The following MDGA2 variants were observed in gnomAD, a reference collection of about 807,000 sequenced individuals.
The protein encoded by MDGA2 is MAM domain-containing glycosylphosphatidylinositol anchor protein 2.
A neutral mutation model predicts 117.8 loss-of-function variants in MDGA2; 40 were observed. The ratio of observed to expected loss-of-function variants is 0.34; its 90% CI spans 0.26 to 0.44. The LOEUF (loss-of-function observed/expected upper bound fraction) is 0.44. MDGA2 is among the 20% of genes least tolerant of loss of function. The probability of loss-of-function intolerance (pLI) is 1.00; values close to 1 mark genes in which losing one functional copy is unlikely to be tolerated. For missense variants in MDGA2, 1,123 were observed against 1,250.6 expected (o/e 0.90, Z 1.54); for synonymous variants, 452 against 439.0 (o/e 1.03, Z -0.37).
rs138794028 is a variant in MDGA2 at position 47,440,151 on chromosome 14, C to G, written c.281-138601G>C. Among the ~76,000 whole-genome samples the G allele has an allele frequency of 2.4e-3, 365 of 152,108 alleles. 1 individual carries two copies. The highest frequency in any genetic ancestry group is 8.2e-3 in the African/African-American group (341 of 41,512). On this transcript the variant is annotated intron_variant, in intron 1 of 16. Coordinates refer to ENST00000399232, the MANE Select transcript of MDGA2 (RefSeq NM_001113498.3). The stretch of plus-strand genomic sequence containing the variant: ...ATCACATGTGTCGGCTCCAGTGTCT[C>G]ACTCCCAACAGCATACCCCTGAGGA...
chr14:47,281,004 G>T lies in MDGA2; in HGVS notation c.420+20407C>A, dbSNP rs547894795. ...AATATATAATTAATATATTATATAT[G>T]GTATATAATATATAATAAAATATAT... On this transcript the variant is annotated intron_variant, in intron 2 of 16. Transcript: ENST00000399232. Among the ~76,000 whole-genome samples the T allele has an allele frequency of 2.2e-3, 316 of 144,336 alleles. 1 individual carries two copies. The highest frequency in any genetic ancestry group is 3.7e-3 in the Non-Finnish European group (248 of 66,136). The allele number at this position is 144,336 out of a possible 152,430, so 94.7% of individuals were successfully genotyped here. A position where few individuals can be genotyped will look rare whatever the true frequency, so the allele number is the denominator to read the frequency against.
chr14:47,460,346 A>G (rs1893456463), intron 1 of MDGA2, among the ~76,000 whole-genome samples: 1 of 152,174 alleles, frequency 6.6e-6, no homozygotes, highest in Non-Finnish European at 1.5e-5. Context: ...ATTTCAAAAT[A>G]GTCTGAGGAT....
chr14:47,301,324 T>G, intron 2 of MDGA2, 87 bp downstream of exon 2: 1 of 1,420,458 alleles, frequency 7.0e-7, no homozygotes, highest in Non-Finnish European at 9.6e-7. Flanking sequence ...CACACACAGT[T>G]TTAGCTAAAT....
At chr14:47,051,689 T>C (rs1400972149) in intron 7 of MDGA2, among the ~76,000 whole-genome samples, 1 of 151,914 alleles carries the variant, frequency 6.6e-6, no homozygotes, top group Non-Finnish European at 1.5e-5. Flanking sequence ...ATTAAATCAC[T>C]TTAATAACTG....
chr14:47,546,736 G>A (rs560747822), intron 1 of MDGA2, among the ~76,000 whole-genome samples: 1 of 152,102 alleles, frequency 6.6e-6, no homozygotes, highest in Non-Finnish European at 1.5e-5. Flanking sequence ...CCAGAAACAG[G>A]GGCTGAGTGT....
At chr14:47,621,297 C>T (rs1440331619) in intron 1 of MDGA2, among the ~76,000 whole-genome samples, 4 of 152,072 alleles carry the variant, frequency 2.6e-5, no homozygotes, top group African/African-American at 9.7e-5. Flanking sequence ...TTTCTTAATA[C>T]TCAAACATGC....
chr14:47,393,455 C>T (rs1043581122), intron 1 of MDGA2, among the ~76,000 whole-genome samples: 4 of 151,220 alleles, frequency 2.6e-5, no homozygotes, highest in Admixed American at 2.6e-4. Context: ...ATATATTTGC[C>T]ATGTTAAAAT....
chr14:47,045,798 C>CT (rs1357284874), intron 7 of MDGA2, among the ~76,000 whole-genome samples: 1 of 152,016 alleles, frequency 6.6e-6, no homozygotes, highest in Admixed American at 6.6e-5. Context: ...AACCTTGTCT[C>CT]TACTAAAAAT....
chr14:47,236,236 A>G (rs1201744552), intron 2 of MDGA2, among the ~76,000 whole-genome samples: 1 of 139,156 alleles, frequency 7.2e-6, no homozygotes, highest in African/African-American at 2.7e-5. Flanking sequence ...GCTTGCAGTG[A>G]GCCGAGATTG....
At chr14:47,563,338 T>C (rs369719625) in intron 1 of MDGA2, among the ~76,000 whole-genome samples, 1 of 152,290 alleles carries the variant, frequency 6.6e-6, no homozygotes, top group African/African-American at 2.4e-5. Flanking sequence ...ATGGGCATGC[T>C]GCAGTCTCCC....
chr14:47,299,910 T>A (rs963932595), intron 2 of MDGA2, among the ~76,000 whole-genome samples: 2 of 152,220 alleles, frequency 1.3e-5, no homozygotes, highest in Non-Finnish European at 2.9e-5. Context: ...GAGTTTTCCT[T>A]TTTCAACATT....
At chr14:46,851,361 T>C (rs1379659357) in intron 15 of MDGA2, among the ~76,000 whole-genome samples, 5 of 151,886 alleles carry the variant, frequency 3.3e-5, no homozygotes, top group South Asian at 2.1e-4. Flanking sequence ...TATAAGAATA[T>C]ATCCATTTTG....
At chr14:47,073,545 TC>T (rs1391213015) in intron 6 of MDGA2, among the ~76,000 whole-genome samples, 2 of 152,234 alleles carry the variant, frequency 1.3e-5, no homozygotes, top group Non-Finnish European at 2.9e-5. Context: ...CTATCACTAT[TC>T]TTTCTGCCAA....
intron 15 of MDGA2, among the ~76,000 whole-genome samples, chr14:46,846,136 T>G (rs1555328506): frequency 6.6e-6 from 1 of 151,780 alleles, no homozygotes; most frequent in Non-Finnish European, 1.5e-5. Flanking sequence ...ATAATACAAT[T>G]AAAAAAAATG....
intron 3 of MDGA2, 45 bp from the exon 4 acceptor site, chr14:47,144,319 T>A (rs1882846978): frequency 1.4e-6 from 2 of 1,463,544 alleles, no homozygotes; most frequent in Non-Finnish European, 1.9e-6. Context: ...ATGAGATAGA[T>A]GACTTTTAAA....
chr14:47,384,994 G>C (rs1196933110), intron 1 of MDGA2, among the ~76,000 whole-genome samples: 4 of 152,166 alleles, frequency 2.6e-5, no homozygotes, highest in Non-Finnish European at 5.9e-5. Flanking sequence ...CATTTTTCTT[G>C]ATGTGAGCAG....
intron 14 of MDGA2, among the ~76,000 whole-genome samples, chr14:46,862,440 CATAA>C (rs1881548803): frequency 6.7e-6 from 1 of 148,850 alleles, no homozygotes; most frequent in African/African-American, 2.4e-5. Context: ...CTATAATTTG[CATAA>C]ATAATATTTA....
chr14:47,004,998 T>C (rs964043135), intron 8 of MDGA2, among the ~76,000 whole-genome samples: 4 of 151,662 alleles, frequency 2.6e-5, no homozygotes, highest in Non-Finnish European at 3.0e-5. Flanking sequence ...AGCTCTAGTA[T>C]CTTTTGTAGA....
Position 47,530,579 on chromosome 14 carries a change from A to G in MDGA2, c.280+143938T>C, listed in dbSNP as rs116495126. Among the ~76,000 whole-genome samples, 710 of 151,944 alleles carry G rather than the reference A, an allele frequency of 4.7e-3. 5 individuals are homozygous for G. The highest frequency in any genetic ancestry group is 0.016 in the African/African-American group (658 of 41,382). On this transcript the variant is annotated intron_variant, in intron 1 of 16. Transcript: ENST00000399232. ...ACGATCCTAAATCCCTCATTAACTT[A>G]CCCCCATCCTCACTAAACTTAATAA...
Sources: gnomAD v4.1 joint callset for allele counts (sites outside exome capture counted in the v4.1 genomes callset) on GRCh38, gnomAD v4.1.1 for gene constraint, MANE v1.5 for transcripts, NCBI Gene and HGNC (gene_info 2026-07-23, HGNC 2026-07-21) for gene names.